AFG2A: variants seen among roughly 807,000 people sequenced by gnomAD.
AFG2A encodes the protein AAA ATPase AFG2A, also known as ATPase family gene 2 protein homolog A.
chr4:123,273,239 T>G, the AFG2A span, among the ~76,000 whole-genome samples: 1 of 152,180 alleles, frequency 6.6e-6, no homozygotes, highest in Admixed American at 6.6e-5. Context: ...AACATTGGGT[T>G]TTACTGTACA....
chr4:123,029,324 G>A, the AFG2A span, among the ~76,000 whole-genome samples: 7 of 151,942 alleles, frequency 4.6e-5, no homozygotes, highest in African/African-American at 7.3e-5. Flanking sequence ...CGCCTGCCTC[G>A]GCCTCCCAAA....
At chr4:123,241,141 A>G in the AFG2A span, among the ~76,000 whole-genome samples, 1 of 152,206 alleles carries the variant, frequency 6.6e-6, no homozygotes, top group African/African-American at 2.4e-5. Context: ...GCAATAATTA[A>G]TAGCCTACCA....
the AFG2A span, among the ~76,000 whole-genome samples, chr4:123,151,521 A>G: frequency 2.0e-4 from 30 of 152,360 alleles, no homozygotes; most frequent in East Asian, 4.6e-3. Context: ...ACCAACAAAC[A>G]TAAGAAAAAA....
chr4:123,236,215 A>G, the AFG2A span, among the ~76,000 whole-genome samples: 1 of 152,208 alleles, frequency 6.6e-6, no homozygotes, highest in African/African-American at 2.4e-5. Context: ...AAACGCATTC[A>G]AGAACCTTTA....
the AFG2A span, among the ~76,000 whole-genome samples, chr4:123,312,125 A>G: frequency 5.3e-5 from 8 of 152,216 alleles, no homozygotes; most frequent in African/African-American, 1.9e-4. Context: ...TATTAGCAAG[A>G]TCACTGCACT....
chr4:123,190,945 A>G, the AFG2A span, among the ~76,000 whole-genome samples: 1 of 152,156 alleles, frequency 6.6e-6, no homozygotes, highest in African/African-American at 2.4e-5. Flanking sequence ...AACAGTGTAG[A>G]GATTTTAAAA....
the AFG2A span, among the ~76,000 whole-genome samples, chr4:123,156,127 A>G: frequency 6.6e-6 from 1 of 152,150 alleles, no homozygotes; most frequent in African/African-American, 2.4e-5. Context: ...AGGGACTAAC[A>G]CCCAGGATAT....
the AFG2A span, among the ~76,000 whole-genome samples, chr4:123,190,011 G>T: frequency 6.6e-6 from 1 of 151,558 alleles, no homozygotes; most frequent in African/African-American, 2.4e-5. Context: ...TGTTGCCCAG[G>T]CTGGTCTTGA....
chr4:123,208,973 C>G, the AFG2A span, among the ~76,000 whole-genome samples: 1 of 152,178 alleles, frequency 6.6e-6, no homozygotes, highest in East Asian at 1.9e-4. Context: ...AGGACTGGGA[C>G]TTGAAGTCCA....
the AFG2A span, among the ~76,000 whole-genome samples, chr4:123,044,801 A>G: frequency 1.7e-4 from 26 of 150,284 alleles, no homozygotes; most frequent in Admixed American, 3.3e-4. Context: ...TTTTGTTTCT[A>G]TGCTTACTTT....
chr4:123,313,800 C>A, the AFG2A span: 1 of 1,252,248 alleles, frequency 8.0e-7, no homozygotes, highest in Non-Finnish European at 1.1e-6. Context: ...TAGAAGGTAC[C>A]ACAGATGAAT....
the AFG2A span, among the ~76,000 whole-genome samples, chr4:123,091,736 G>A: frequency 6.6e-6 from 1 of 151,994 alleles, no homozygotes; most frequent in East Asian, 1.9e-4. Context: ...TTTTCCCTAG[G>A]TCATAATTTA....
chr4:123,168,807 G>A, the AFG2A span, among the ~76,000 whole-genome samples: 2 of 152,166 alleles, frequency 1.3e-5, no homozygotes, highest in East Asian at 3.8e-4. Flanking sequence ...ATGGAAAAGG[G>A]AAACTCAGTA....
chr4:123,027,624 A>G, the AFG2A span, among the ~76,000 whole-genome samples: 1 of 151,966 alleles, frequency 6.6e-6, no homozygotes, highest in African/African-American at 2.4e-5. Flanking sequence ...TCATTATTCT[A>G]TTTCTTGTGT....
chr4:123,148,386 G>A, the AFG2A span, among the ~76,000 whole-genome samples: 1 of 152,178 alleles, frequency 6.6e-6, no homozygotes, highest in Non-Finnish European at 1.5e-5. Flanking sequence ...TTTCCGGGGA[G>A]TAGTGAAGAG....
chr4:123,136,746 G>A, the AFG2A span, among the ~76,000 whole-genome samples: 1 of 151,312 alleles, frequency 6.6e-6, no homozygotes, highest in Non-Finnish European at 1.5e-5. Flanking sequence ...GGAGACTGAG[G>A]CAGAAGAATC....
At chr4:122,947,212 A>G in the AFG2A span, 2 of 1,501,102 alleles carry the variant, frequency 1.3e-6, no homozygotes, top group East Asian at 2.5e-5. Context: ...AAATAAATTT[A>G]TTTTCATTTT....
At chr4:123,127,081 C>T in the AFG2A span, among the ~76,000 whole-genome samples, 2 of 152,022 alleles carry the variant, frequency 1.3e-5, no homozygotes, top group Non-Finnish European at 2.9e-5. Flanking sequence ...TCAGCTGTAG[C>T]CCTGGCTACT....
chr4:122,924,253 C>G, the AFG2A span, among the ~76,000 whole-genome samples: 6 of 152,166 alleles, frequency 3.9e-5, no homozygotes. Flanking sequence ...AGAACAAAAG[C>G]TCCACATTTT....
Sources: allele counts gnomAD v4.1 joint callset (sites outside exome capture counted in the v4.1 genomes callset), GRCh38; gene constraint gnomAD v4.1.1; transcripts MANE v1.5; gene names NCBI Gene and HGNC (gene_info 2026-07-23, HGNC 2026-07-21).